The following INTS2 variants were observed in gnomAD, a reference collection of about 807,000 sequenced individuals.
INTS2 encodes the protein KIAA1287.
Under a neutral mutation model 139.6 loss-of-function variants are expected in INTS2, and 57 were observed. The ratio of observed to expected loss-of-function variants is 0.41; its 90% CI spans 0.33 to 0.51. INTS2 has a LOEUF of 0.51. Ranked by LOEUF, INTS2 falls within the 20% of genes least tolerant of loss-of-function variation. The pLI is 0.28. For synonymous variants in INTS2, 473 were observed against 493.4 expected, an observed-to-expected ratio of 0.96 and a Z score of 0.55; for missense variants, 1,196 against 1,436.7, an observed-to-expected ratio of 0.83 and a Z score of 2.71.
chr17:61,922,533 TATATATATATATAC>T (rs1159941538), intron 3 of INTS2, among the ~76,000 whole-genome samples: 7 of 110,770 alleles, frequency 6.3e-5, no homozygotes, highest in South Asian at 5.4e-4. Context: ...TATATATATA[TATATATATATATAC>T]GTGTTCAATT....
At chr17:61,915,869 C>T (rs1330928095) in intron 5 of INTS2, among the ~76,000 whole-genome samples, 3 of 123,350 alleles carry the variant, frequency 2.4e-5, no homozygotes, top group Non-Finnish European at 5.4e-5. Flanking sequence ...AATGGAAAAA[C>T]ATTCCAAGCT....
intron 5 of INTS2, among the ~76,000 whole-genome samples, chr17:61,913,447 G>A (rs1295603099): frequency 2.0e-5 from 3 of 150,382 alleles, no homozygotes; most frequent in Non-Finnish European, 4.4e-5. Flanking sequence ...AAAATTTACT[G>A]CAGAAAAGAG....
Position 61,867,795 on chromosome 17 carries a change from G to C in INTS2, c.3421+38C>G. ...AAAGGAATTTGGCCTTTTTGTTTGA[G>C]ATATTAAGATAACCCTTGAAAATAA... On this transcript the variant is annotated intron_variant, in intron 24 of 24. Transcript: ENST00000251334. This position sits in a 1 kb window ranked among gnomAD's most constrained non-coding sequence, Gnocchi z 5.6. The C allele has an allele frequency of 6.4e-7, 1 of 1,560,238 alleles. No homozygotes were observed.
In INTS2 at chr17:61,897,713, A is replaced by T; in HGVS notation, c.1334T>A (p.Val445Glu). The T allele has an allele frequency of 6.2e-7, 1 of 1,608,332 alleles. No homozygotes were observed. The highest frequency in any genetic ancestry group is 2.2e-5 in the East Asian group (1 of 44,798). Residue 445 changes from valine to glutamate, a missense_variant, in exon 10 of 25, where the codon GTG (valine) becomes GAG (glutamate). Val to Glu is a moderately radical substitution (Grantham distance 121). Coordinates refer to ENST00000251334, the MANE Select transcript of INTS2 (RefSeq NM_001351695.2). The surrounding 1 kb of genome is among the most constrained non-coding windows in gnomAD (Gnocchi z 4.4). ...TTTTATCATCCAACTTAGCCACACC[A>T]CCATCAGCTGCTCCTGTTCAGGTGT... ...VSTPEQEQLM[V>E]VWLSWMIKEE...
rs888141880 is a variant in INTS2, at chr17:61,897,792, T to G, written c.1308-53A>C. ...GGTTTAAATTAGATATACTAGCATA[T>G]GAATAAAAAGCATTCTGAAGTTATT... On this transcript the variant is annotated intron_variant, in intron 9 of 24. Transcript: ENST00000251334. This position sits in a 1 kb window ranked among gnomAD's most constrained non-coding sequence, Gnocchi z 4.4. 2 of 1,186,590 alleles carry G rather than the reference T, an allele frequency of 1.7e-6. No individual in the cohort carries two copies. The highest frequency in any genetic ancestry group is 4.5e-5 in the Admixed American group (2 of 44,580). 73.5% of individuals were successfully genotyped at this position (1,186,590 alleles called of 1,614,324 possible).
chr17:61,885,656 G>A (rs985022921), intron 15 of INTS2, among the ~76,000 whole-genome samples: 1 of 151,902 alleles, frequency 6.6e-6, no homozygotes, highest in Non-Finnish European at 1.5e-5. Flanking sequence ...CTGAACTCAG[G>A]GGGATCTAGC....
chr17:61,900,072 C>T (rs558580801), intron 9 of INTS2, among the ~76,000 whole-genome samples: 6 of 152,034 alleles, frequency 3.9e-5, no homozygotes, highest in Non-Finnish European at 7.4e-5. Flanking sequence ...AAGGCATAAA[C>T]GCATAAGATA....
chr17:61,889,091 C>A (rs1473180825), intron 15 of INTS2, among the ~76,000 whole-genome samples: 1 of 140,562 alleles, frequency 7.1e-6, no homozygotes, highest in Non-Finnish European at 1.5e-5. Flanking sequence ...AACTCTTCTA[C>A]TTTTTTTTTT....
intron 4 of INTS2, among the ~76,000 whole-genome samples, chr17:61,920,493 T>A: frequency 1.5e-5 from 1 of 65,384 alleles, no homozygotes; most frequent in Non-Finnish European, 2.6e-5. Context: ...ATACTTTTTT[T>A]TTTTTTTTTT....
At chr17:61,886,413 G>A (rs2079229525) in intron 15 of INTS2, among the ~76,000 whole-genome samples, 2 of 152,130 alleles carry the variant, frequency 1.3e-5, no homozygotes, top group Non-Finnish European at 2.9e-5. Context: ...AACCAGCCAT[G>A]TCCAACCTTT....
intron 5 of INTS2, among the ~76,000 whole-genome samples, chr17:61,918,382 C>T (rs1026171179): frequency 6.6e-6 from 1 of 152,138 alleles, no homozygotes; most frequent in African/African-American, 2.4e-5. Flanking sequence ...GCTGAGATTA[C>T]AGGCATCCAC....
In INTS2 at chr17:61,868,465, T is replaced by C. The variant is rs59542428; in HGVS notation, c.3245-456A>G. The stretch of plus-strand genomic sequence containing the variant: ...AAAACAACAGGGTATTATGGAAATA[T>C]TATAATGAGAAAGAATACTAAGTTA... On this transcript the variant is annotated intron_variant, in intron 23 of 24. Coordinates refer to ENST00000251334, the MANE Select transcript of INTS2 (RefSeq NM_001351695.2). This position sits in a 1 kb window ranked among gnomAD's most constrained non-coding sequence, Gnocchi z 4.7. Among the ~76,000 whole-genome samples, 574 of 152,240 alleles carry C rather than the reference T, an allele frequency of 3.8e-3. 5 individuals are homozygous for C. The highest frequency in any genetic ancestry group is 0.013 in the African/African-American group (535 of 41,570).
intron 9 of INTS2, 40 bp downstream of exon 9, chr17:61,904,420 T>C (rs2079439800): frequency 2.8e-6 from 4 of 1,438,944 alleles, no homozygotes; most frequent in Non-Finnish European, 3.8e-6. Flanking sequence ...TAAATAAAAG[T>C]AAACCTTGAG....
intron 6 of INTS2, 109 bp downstream of exon 6, chr17:61,911,831 C>CAGT: frequency 7.1e-7 from 1 of 1,404,766 alleles, no homozygotes; most frequent in Non-Finnish European, 9.7e-7. Context: ...GTAACATATC[C>CAGT]AGTATATAAA....
rs1203768364 is a variant in INTS2, at chr17:61,893,174, T to C, written c.1698+591A>G. 2.0e-5 allele frequency among the ~76,000 whole-genome samples: 3 copies of C among 151,992 alleles called. No homozygotes were observed. In the East Asian group the frequency reaches 5.8e-4, roughly 29 times the overall value. On this transcript the variant is annotated intron_variant, in intron 13 of 24. Coordinates refer to ENST00000251334, the MANE Select transcript of INTS2 (RefSeq NM_001351695.2). This position sits in a 1 kb window ranked among gnomAD's most constrained non-coding sequence, Gnocchi z 5.4. ...TTAATAAAATAGCCATGTGCCACTA[T>C]TGAGAATTTAAATGGAGTATTATGC...
At chr17:61,888,479 T>C (rs190569051) in intron 15 of INTS2, among the ~76,000 whole-genome samples, 1 of 152,316 alleles carries the variant, frequency 6.6e-6, no homozygotes, top group Admixed American at 6.5e-5. Context: ...TCATGCATGC[T>C]AAATCTGACC....
chr17:61,924,881 C>T (rs1337382179), intron 3 of INTS2, 80 bp downstream of exon 3: 10 of 1,427,470 alleles, frequency 7.0e-6, no homozygotes, highest in Non-Finnish European at 9.7e-6. Flanking sequence ...TGCCTGACTT[C>T]TTGTCTCTTT....
chr17:61,902,330 T>C (rs995970272), intron 9 of INTS2, among the ~76,000 whole-genome samples: 2 of 152,206 alleles, frequency 1.3e-5, no homozygotes, highest in Admixed American at 6.5e-5. Context: ...TTCTTGGGTG[T>C]TCTGTCTAAA....
In INTS2 at chr17:61,882,303, G is replaced by A. The variant is rs945324682; in HGVS notation, c.2090-1132C>T. 6.6e-6 allele frequency among the ~76,000 whole-genome samples: 1 copy of A among 152,172 alleles called. No individual in the cohort carries two copies. Among genetic ancestry groups the A allele is most frequent in the Admixed American group, 6.5e-5 (1 of 15,274 alleles). ...GTACTGATGATACCCACAATGGGGGGCATTTTTTCTTGGTTCAAGAAGTAT... is the reference window on the plus strand; with the variant it reads ...GTACTGATGATACCCACAATGGGGGACATTTTTTCTTGGTTCAAGAAGTAT... On this transcript the variant is annotated intron_variant, in intron 16 of 24. Coordinates refer to ENST00000251334, the MANE Select transcript of INTS2 (RefSeq NM_001351695.2). The surrounding 1 kb of genome is among the most constrained non-coding windows in gnomAD (Gnocchi z 4.7).
Sources: allele counts gnomAD v4.1 joint callset (sites outside exome capture counted in the v4.1 genomes callset), GRCh38; gene constraint gnomAD v4.1.1; non-coding constraint Gnocchi (gnomAD v3.1); transcripts MANE v1.5; gene names NCBI Gene and HGNC (gene_info 2026-07-23, HGNC 2026-07-21).